The following OAS2 variants were observed in gnomAD, a reference collection of about 807,000 sequenced individuals.
OAS2 encodes 2'-5'-oligoadenylate synthase 2.
In OAS2, 67 loss-of-function variants were observed where a neutral mutation model predicts 71.3. The observed-to-expected ratio is 0.94, with a 90% confidence interval of 0.77 to 1.15. The LOEUF is 1.15. Ranked by LOEUF, OAS2 falls within the 50% of genes most tolerant of loss-of-function variation. OAS2 has a pLI of 0.00. For missense variants in OAS2, 789 were observed against 822.5 expected (o/e 0.96, Z 0.50); for synonymous variants, 327 against 321.8 (o/e 1.02, Z -0.17).
At chr12:112,989,037 A>G (rs1450624899) in intron 2 of OAS2, among the ~76,000 whole-genome samples, 7 of 152,210 alleles carry the variant, frequency 4.6e-5, no homozygotes, top group Admixed American at 1.3e-4. Flanking sequence ...GCTTGGTTGT[A>G]TACGTGGTAT....
At chr12:112,986,888 A>G in intron 1 of OAS2, 150 bp from the exon 2 acceptor site, 1 of 1,016,112 alleles carries the variant, frequency 9.8e-7, no homozygotes, top group Non-Finnish European at 1.4e-6. Flanking sequence ...TGAGCATCCC[A>G]ATCAGGTCTT....
chr12:113,005,918 C>CAAA (rs138299398), intron 7 of OAS2, among the ~76,000 whole-genome samples: 86 of 49,034 alleles, frequency 1.8e-3, no homozygotes, highest in Non-Finnish European at 2.7e-3. Context: ...ACAACAACAA[C>CAAA]AAAAAAAAAA....
intron 5 of OAS2, among the ~76,000 whole-genome samples, chr12:113,001,418 A>C (rs1411176047): frequency 2.0e-5 from 3 of 149,768 alleles, no homozygotes; most frequent in Non-Finnish European, 4.4e-5. Flanking sequence ...ACATATATAC[A>C]CATATATGCA....
At chr12:112,985,340 T>G (rs963496765) in intron 1 of OAS2, among the ~76,000 whole-genome samples, 2 of 152,198 alleles carry the variant, frequency 1.3e-5, no homozygotes, top group African/African-American at 4.8e-5. Context: ...CTTCACTCAT[T>G]TTTATTTATT....
intron 5 of OAS2, among the ~76,000 whole-genome samples, chr12:113,000,811 G>A (rs2044280774): frequency 6.6e-6 from 1 of 152,218 alleles, no homozygotes; most frequent in African/African-American, 2.4e-5. Flanking sequence ...AAGGGGCAGT[G>A]TTGGCAATGA....
chr12:112,997,502 C>A lies in OAS2; in HGVS notation c.628-18C>A. 6.2e-7 allele frequency: 1 copy of A among 1,605,354 alleles called. No individual in the cohort carries two copies. The highest frequency in any genetic ancestry group is 1.1e-5 in the South Asian group (1 of 90,414). ...ACTAGATCCCCCAATGAGCTGCTACCCTTTCCTTATCCCACAGTGCCAGAA... is the reference window on the plus strand; with the variant it reads ...ACTAGATCCCCCAATGAGCTGCTACACTTTCCTTATCCCACAGTGCCAGAA... On this transcript the variant is annotated intron_variant, in intron 3 of 9. Coordinates refer to ENST00000392583, the MANE Select transcript of OAS2 (RefSeq NM_002535.3).
chr12:113,008,222 C>T (rs188412968), intron 9 of OAS2, among the ~76,000 whole-genome samples: 86 of 152,260 alleles, frequency 5.6e-4, no homozygotes, highest in South Asian at 2.1e-4. Context: ...TAAGAATTAA[C>T]GCTATCATTC....
At chr12:112,998,469 C>G in intron 5 of OAS2, 59 bp downstream of exon 5, 1 of 1,560,754 alleles carries the variant, frequency 6.4e-7, no homozygotes, top group Non-Finnish European at 8.7e-7. Flanking sequence ...TCCTGACACC[C>G]AGGCTAGGTC....
intron 5 of OAS2, among the ~76,000 whole-genome samples, chr12:112,999,307 A>T (rs1434198114): frequency 3.3e-5 from 5 of 152,230 alleles, no homozygotes; most frequent in Non-Finnish European, 7.3e-5. Context: ...CTCAGTGCTT[A>T]TTAGAGAAAA....
chr12:112,988,404 G>A (rs998447575), intron 2 of OAS2: 5 of 319,904 alleles, frequency 1.6e-5, no homozygotes, highest in South Asian at 2.5e-4. Flanking sequence ...ATGAAAGTGA[G>A]GTACAGAAAC....
In OAS2 at chr12:112,978,825, G is replaced by A. The variant is rs1395048682; in HGVS notation, c.177+40G>A. Reference sequence around the variant, plus strand: ...GAGGTTGGGTCTCTGGGAGGCAGGAGATTCCACGGCGGCAGCAAGGCCGAG... The same window carrying A: ...GAGGTTGGGTCTCTGGGAGGCAGGAAATTCCACGGCGGCAGCAAGGCCGAG... On this transcript the variant is annotated intron_variant, in intron 1 of 9. Coordinates refer to ENST00000392583, the MANE Select transcript of OAS2 (RefSeq NM_002535.3). This position sits in a 1 kb window ranked among gnomAD's most constrained non-coding sequence, Gnocchi z 4.2. 1 of 1,574,172 alleles carries A rather than the reference G, an allele frequency of 6.4e-7. No homozygotes were observed. The highest frequency in any genetic ancestry group is 8.6e-7 in the Non-Finnish European group (1 of 1,157,860).
chr12:112,980,261 G>T (rs1400954351), intron 1 of OAS2, among the ~76,000 whole-genome samples: 2 of 152,140 alleles, frequency 1.3e-5, no homozygotes, highest in African/African-American at 2.4e-5. Context: ...GAACAGTTCA[G>T]ATCTTCTCTT....
chr12:112,985,994 A>T lies in OAS2; in HGVS notation c.178-1044A>T, dbSNP rs549707836. ...CTCTAAAAAATTAAATAAAAATAAA[A>T]TAAAAAAGATGTTTTCCTGTAGATG... On this transcript the variant is annotated intron_variant, in intron 1 of 9. Transcript: ENST00000392583. 1.1e-4 allele frequency among the ~76,000 whole-genome samples: 16 copies of T among 152,378 alleles called. No individual in the cohort carries two copies. The South Asian group carries it at 2.7e-3, about 26-fold the overall frequency.
At position 113,010,487 on chromosome 12, in the gene OAS2, A is replaced by G; in HGVS notation, c.*1232A>G. The G allele has an allele frequency of 6.2e-7, 1 of 1,611,736 alleles. No homozygotes were observed. The highest frequency in any genetic ancestry group is 8.5e-7 in the Non-Finnish European group (1 of 1,179,504). ...ATAATTCTAAAAGAAACTTCTAGAG[A>G]TCATCTGGCAATCGCTTTTAAAGAC... On this transcript the variant is annotated 3_prime_UTR_variant, in exon 10 of 10. Transcript: ENST00000392583.
At chr12:112,979,850 CA>C (rs2044063638) in intron 1 of OAS2, among the ~76,000 whole-genome samples, 1 of 152,160 alleles carries the variant, frequency 6.6e-6, no homozygotes, top group Non-Finnish European at 1.5e-5. Flanking sequence ...AAACGTTTTA[CA>C]ATTATAGGGT....
At chr12:113,006,388 G>A (rs1245509708) in intron 7 of OAS2, 25 bp from the exon 8 acceptor site, 22 of 1,510,866 alleles carry the variant, frequency 1.5e-5, no homozygotes, top group Non-Finnish European at 1.8e-5. Context: ...ATTAAAGCAG[G>A]ATGTCAATCT....
At chr12:113,000,443 G>C (rs902570323) in intron 5 of OAS2, among the ~76,000 whole-genome samples, 56 of 152,036 alleles carry the variant, frequency 3.7e-4, no homozygotes, top group African/African-American at 1.2e-3. Flanking sequence ...AGGAACCACT[G>C]CATAAGGCGG....
chr12:112,989,254 T>C (rs2044169337), intron 2 of OAS2, among the ~76,000 whole-genome samples: 1 of 152,210 alleles, frequency 6.6e-6, no homozygotes, highest in African/African-American at 2.4e-5. Flanking sequence ...CCTCCCACCA[T>C]GTAACATGTC....
At chr12:112,999,850 C>T (rs2044268168) in intron 5 of OAS2, among the ~76,000 whole-genome samples, 1 of 152,228 alleles carries the variant, frequency 6.6e-6, no homozygotes, top group African/African-American at 2.4e-5. Flanking sequence ...CCATGTGCAA[C>T]ATTTGCTATG....
Sources: gnomAD v4.1 joint callset for allele counts (sites outside exome capture counted in the v4.1 genomes callset) on GRCh38, gnomAD v4.1.1 for gene constraint, Gnocchi (gnomAD v3.1) non-coding constraint, MANE v1.5 for transcripts, NCBI Gene and HGNC (gene_info 2026-07-23, HGNC 2026-07-21) for gene names.